The following PIBF1 variants were observed in gnomAD, a reference collection of about 807,000 sequenced individuals.
The protein encoded by PIBF1 is progesterone immunomodulatory binding factor 1, also known as progesterone-induced-blocking factor 1.
PIBF1 carries 90 observed loss-of-function variants against 112.5 expected under a neutral mutation model. The observed-to-expected ratio is 0.80, with a 90% confidence interval of 0.67 to 0.95. PIBF1 has a LOEUF of 0.95. Ranked by LOEUF, PIBF1 falls within the 40% of genes least tolerant of loss-of-function variation. The pLI is 0.00. For missense variants in PIBF1, 915 were observed against 852.3 expected (o/e 1.07, Z -0.92); for synonymous variants, 301 against 288.6 (o/e 1.04, Z -0.44).
chr13:72,823,305 A>C (rs1194194422), intron 6 of PIBF1, among the ~76,000 whole-genome samples: 1 of 152,166 alleles, frequency 6.6e-6, no homozygotes, highest in Non-Finnish European at 1.5e-5. Context: ...GTTGATAATT[A>C]CTGAATTTGG....
At chr13:72,927,939 A>ATGTG (rs536105744) in intron 13 of PIBF1, among the ~76,000 whole-genome samples, 3 of 126,938 alleles carry the variant, frequency 2.4e-5, no homozygotes, top group African/African-American at 1.1e-4. Flanking sequence ...TTTCTAATAT[A>ATGTG]TGTGTGTATA....
chr13:72,978,260 G>A (rs1348551039), intron 16 of PIBF1, among the ~76,000 whole-genome samples: 1 of 152,150 alleles, frequency 6.6e-6, no homozygotes, highest in East Asian at 1.9e-4. Flanking sequence ...AACTAAGGCA[G>A]TCTACTAAGT....
At chr13:72,917,736 A>T (rs2041151939) in intron 13 of PIBF1, among the ~76,000 whole-genome samples, 1 of 152,200 alleles carries the variant, frequency 6.6e-6, no homozygotes, top group South Asian at 2.1e-4. Flanking sequence ...ATTCGCGAAA[A>T]GAATGGATGA....
At chr13:72,923,571 A>C (rs191271624) in intron 13 of PIBF1, among the ~76,000 whole-genome samples, 46 of 152,340 alleles carry the variant, frequency 3.0e-4, no homozygotes, top group East Asian at 2.9e-3. Flanking sequence ...ATAGCTTATA[A>C]AAAGCATTGC....
chr13:72,994,328 G>A (rs2043579272), intron 16 of PIBF1, among the ~76,000 whole-genome samples: 1 of 152,120 alleles, frequency 6.6e-6, no homozygotes, highest in African/African-American at 2.4e-5. Flanking sequence ...GGCGTACATT[G>A]TTTCTATCAA....
intron 17 of PIBF1, among the ~76,000 whole-genome samples, chr13:73,000,818 G>A (rs912250774): frequency 1.3e-5 from 2 of 152,130 alleles, no homozygotes; most frequent in African/African-American, 4.8e-5. Flanking sequence ...CAGTACATGA[G>A]TAACAATAAG....
intron 5 of PIBF1, among the ~76,000 whole-genome samples, chr13:72,807,052 C>G (rs1266152522): frequency 6.7e-6 from 1 of 150,282 alleles, no homozygotes; most frequent in East Asian, 1.9e-4. Context: ...TTTGCTTTAT[C>G]CATTCATCTA....
intron 17 of PIBF1, among the ~76,000 whole-genome samples, chr13:73,003,453 C>G (rs1322217475): frequency 6.6e-6 from 1 of 151,972 alleles, no homozygotes; most frequent in African/African-American, 2.4e-5. Flanking sequence ...CGGGGTTTCA[C>G]CATGTTGGCC....
chr13:72,789,440 G>C (rs374723140), intron 2 of PIBF1, among the ~76,000 whole-genome samples: 18 of 152,014 alleles, frequency 1.2e-4, no homozygotes, highest in East Asian at 5.8e-4. Flanking sequence ...TCCCACCTTG[G>C]CCCCCCAAAG....
At chr13:72,986,615 A>G (rs780199772) in intron 16 of PIBF1, among the ~76,000 whole-genome samples, 20 of 151,124 alleles carry the variant, frequency 1.3e-4, no homozygotes, top group Non-Finnish European at 2.5e-4. Flanking sequence ...GTATAAAAGC[A>G]TGAGCTCTCA....
intron 16 of PIBF1, among the ~76,000 whole-genome samples, chr13:72,974,706 G>C (rs2042977512): frequency 6.6e-6 from 1 of 152,118 alleles, no homozygotes; most frequent in Admixed American, 6.6e-5. Context: ...ACAGTTTATG[G>C]ACATTTGAGT....
intron 10 of PIBF1, among the ~76,000 whole-genome samples, chr13:72,857,232 C>T (rs1400791946): frequency 2.6e-5 from 4 of 152,150 alleles, no homozygotes; most frequent in Non-Finnish European, 5.9e-5. Flanking sequence ...TCATAACTTA[C>T]ACCAAGATAA....
In PIBF1 at chr13:72,799,620, G is replaced by C. The variant is rs138764783; in HGVS notation, c.672+1594G>C. ...ATAGTAGAGAACAGAGAAGGCCACT[G>C]TTTGGCCACTTTCTAATTTTGCAGC... is the stretch of plus-strand genomic sequence containing the variant. On this transcript the variant is annotated intron_variant, in intron 5 of 17. Transcript: ENST00000326291. Among the ~76,000 whole-genome samples, 355 of 152,320 alleles carry C rather than the reference G, an allele frequency of 2.3e-3. 2 individuals are homozygous for C. The highest frequency in any genetic ancestry group is 8.1e-3 in the African/African-American group (338 of 41,556).
At chr13:72,978,291 A>C (rs2043074300) in intron 16 of PIBF1, among the ~76,000 whole-genome samples, 1 of 152,242 alleles carries the variant, frequency 6.6e-6, no homozygotes, top group Non-Finnish European at 1.5e-5. Flanking sequence ...AAATGACATA[A>C]TCTAATCTTT....
At chr13:72,839,618 C>G (rs2138230006) in intron 9 of PIBF1, among the ~76,000 whole-genome samples, 1 of 152,140 alleles carries the variant, frequency 6.6e-6, no homozygotes, top group South Asian at 2.1e-4. Flanking sequence ...GATATAATAA[C>G]TTTAAAATAT....
At chr13:72,844,327 A>G (rs2037737368) in intron 9 of PIBF1, among the ~76,000 whole-genome samples, 1 of 152,214 alleles carries the variant, frequency 6.6e-6, no homozygotes, top group African/African-American at 2.4e-5. Context: ...AATTTACTTA[A>G]AATAGAAATT....
chr13:72,877,104 G>T (rs1195896005), intron 10 of PIBF1, among the ~76,000 whole-genome samples: 1 of 152,158 alleles, frequency 6.6e-6, no homozygotes, highest in African/African-American at 2.4e-5. Context: ...GTTAGATTTT[G>T]TGAAATGCTT....
intron 10 of PIBF1, among the ~76,000 whole-genome samples, chr13:72,890,805 C>T (rs1376882196): frequency 1.3e-5 from 2 of 152,146 alleles, no homozygotes; most frequent in African/African-American, 2.4e-5. Flanking sequence ...AGCTCCTGGG[C>T]ATCATCAGTT....
chr13:72,791,667 C>G (rs12019572), intron 2 of PIBF1, among the ~76,000 whole-genome samples: 15,592 of 151,800 alleles, frequency 0.1, 1,092 homozygotes, highest in Non-Finnish European at 0.15. Context: ...GAGTCTCGCT[C>G]TGTCTCCCAG....
Sources: gnomAD v4.1 joint callset for allele counts (sites outside exome capture counted in the v4.1 genomes callset) on GRCh38, gnomAD v4.1.1 for gene constraint, MANE v1.5 for transcripts, NCBI Gene and HGNC (gene_info 2026-07-23, HGNC 2026-07-21) for gene names.